Variants in HEPH observed in about 807,000 individuals in gnomAD.
HEPH encodes hephaestin.
HEPH carries 69 observed loss-of-function variants against 80.8 expected under a neutral mutation model. The observed-to-expected ratio is 0.85, with a 90% CI of 0.70 to 1.04. The LOEUF is 1.04. HEPH is among the 50% of genes least tolerant of loss of function. The pLI is 0.00. For missense variants in HEPH, 1,115 were observed against 891.3 expected, an observed-to-expected ratio of 1.25 and a Z score of -3.20; for synonymous variants, 431 against 322.8, an observed-to-expected ratio of 1.34 and a Z score of -3.60.
rs766608149 is a variant in HEPH, at chrX:66,214,361, C to CT, written c.2563+6121dup. Among the ~76,000 whole-genome samples the CT allele has an allele frequency of 4.8e-4, 54 of 111,834 alleles. 1 individual carries two copies. Among genetic ancestry groups the CT allele is most frequent in the Middle Eastern group, 4.6e-3 (1 of 216 alleles). On this transcript the variant is annotated intron_variant, in intron 15 of 20. Coordinates refer to ENST00000343002, the MANE Select transcript of HEPH (RefSeq NM_001367233.3). ...TTGTGAATTGGGGTTTCTAGATATTCTTTTTTATTTTCGGTAGTTGCTATA... is the reference window on the plus strand; with the variant it reads ...TTGTGAATTGGGGTTTCTAGATATTCTTTTTTTATTTTCGGTAGTTGCTATA...
chrX:66,209,486 A>C (rs1178817449), intron 15 of HEPH, among the ~76,000 whole-genome samples: 1 of 112,119 alleles, frequency 8.9e-6, no homozygotes, highest in Admixed American at 9.5e-5. Context: ...AAGGATGAAA[A>C]AAGGGACATA....
chrX:66,207,244 T>C lies in HEPH; in HGVS notation c.2341T>C (p.Tyr781His). ...SNKDGLLGSR[Y>H]KKAVFREYTD... is the part of the protein sequence containing the mutation. ...CAAGGATGGGCTCCTGGGTTCCAGA[T>C]ACAAGAAAGCTGTATTCAGGGAATA... The change falls in exon 14 of 21, where the codon TAC becomes CAC. Residue 781 changes from tyrosine (Y) to histidine (H), a missense_variant. Physicochemically the swap from Tyr to His is moderately conservative, Grantham distance 83. This residue lies in a region of HEPH where 716 missense variants were observed against 523.5 expected (regional missense o/e 1.37). Coordinates refer to ENST00000343002, the MANE Select transcript of HEPH (RefSeq NM_001367233.3). The C allele has an allele frequency of 8.3e-7, 1 of 1,206,061 alleles. No homozygotes were observed. Among genetic ancestry groups the C allele is most frequent in the Non-Finnish European group, 1.1e-6 (1 of 891,968 alleles).
chrX:66,240,521 TAA>T (rs34309902), intron 15 of HEPH, among the ~76,000 whole-genome samples: 16 of 97,512 alleles, frequency 1.6e-4, no homozygotes, highest in African/African-American at 3.4e-4. Context: ...GGCTAATTAT[TAA>T]AAAAAAAAAA....
At position 66,208,146 on chromosome X, in the gene HEPH, C is replaced by A. The variant is rs1309878655; in HGVS notation, c.2463C>A (p.Ile821=). 12 of 1,199,334 alleles carry A rather than the reference C, an allele frequency of 1.0e-5. No individual in the cohort carries two copies. The highest frequency in any genetic ancestry group is 1.4e-5 in the Non-Finnish European group (12 of 886,189). ...TTATCAAAGGTGAAGTTGGTGATAT[C>A]CTGACTGTGGTATTCAAGAATAATG... The part of the protein sequence containing the change: ...GPLIKGEVGD[I]LTVVFKNNAS... Residue 821 remains isoleucine, a synonymous_variant, in exon 15 of 21, where the codon ATC becomes ATA. Coordinates refer to ENST00000343002, the MANE Select transcript of HEPH (RefSeq NM_001367233.3).
chrX:66,221,413 T>C (rs1416512633), intron 15 of HEPH, among the ~76,000 whole-genome samples: 1 of 112,989 alleles, frequency 8.9e-6, no homozygotes, highest in African/African-American at 3.2e-5. Flanking sequence ...CTAGCATTTG[T>C]TAACCAATAA....
At chrX:66,172,265 G>C in intron 2 of HEPH, 90 bp from the exon 3 acceptor site, 1 of 879,010 alleles carries the variant, frequency 1.1e-6, no homozygotes, top group Non-Finnish European at 1.6e-6. Flanking sequence ...AACAAAGATA[G>C]TCACTTTTTG....
chrX:66,220,925 G>T (rs973416432), intron 15 of HEPH, among the ~76,000 whole-genome samples: 1 of 110,661 alleles, frequency 9.0e-6, no homozygotes, highest in Non-Finnish European at 1.9e-5. Flanking sequence ...TAGATTCCCG[G>T]TACACTTATA....
intron 15 of HEPH, among the ~76,000 whole-genome samples, chrX:66,252,957 A>T (rs770761486): frequency 1.8e-5 from 2 of 112,425 alleles, no homozygotes; most frequent in Non-Finnish European, 3.8e-5. Flanking sequence ...ATCAACTCAA[A>T]ATGGGTCAAA....
intron 1 of HEPH, among the ~76,000 whole-genome samples, chrX:66,165,522 G>C (rs2086316572): frequency 9.0e-6 from 1 of 111,364 alleles, no homozygotes; most frequent in South Asian, 3.8e-4. Flanking sequence ...CTGAGAAAGG[G>C]AGATGGAGGG....
chrX:66,237,552 G>A (rs1392070524), intron 15 of HEPH, among the ~76,000 whole-genome samples: 2 of 111,644 alleles, frequency 1.8e-5, no homozygotes, highest in Non-Finnish European at 3.8e-5. Flanking sequence ...TCGATTATGT[G>A]GTTGATTTTG....
At position 66,208,155 on chromosome X, in the gene HEPH, G is replaced by A. The variant is rs777694743; in HGVS notation, c.2472G>A (p.Val824=). The A allele has an allele frequency of 2.1e-4, 247 of 1,198,148 alleles. No individual in the cohort carries two copies. Among genetic ancestry groups the A allele is most frequent in the Non-Finnish European group, 2.7e-4 (243 of 885,902 alleles). ...GTGAAGTTGGTGATATCCTGACTGT[G>A]GTATTCAAGAATAATGCCAGCCGCC... The part of the protein sequence containing the change: ...IKGEVGDILT[V]VFKNNASRPY... The change falls in exon 15 of 21, where the codon GTG becomes GTA. Residue 824 remains valine (V), a synonymous_variant. Transcript: ENST00000343002.
At chrX:66,202,912 CAT>C (rs759619010) in intron 12 of HEPH, among the ~76,000 whole-genome samples, 1,536 of 81,635 alleles carry the variant, frequency 0.019, 23 homozygotes, top group South Asian at 0.028. Context: ...TTTATGTGTG[CAT>C]ATATATATAT....
chrX:66,256,279 G>A lies in HEPH; in HGVS notation c.2845G>A (p.Gly949Ser). 8.3e-7 allele frequency: 1 copy of A among 1,211,083 alleles called. No homozygotes were observed. Among genetic ancestry groups the A allele is most frequent in the Non-Finnish European group, 1.1e-6 (1 of 894,933 alleles). ...GGCAACCCATGGGTCCCAGGATCCA[G>A]GCAGTATTAACCTACAGGATGAAAC... ...NVATHGSQDP[G>S]SINLQDETFL... is the part of the protein sequence containing the mutation. Residue 949 changes from glycine (G) to serine (S), a missense_variant, in exon 17 of 21, where the codon GGC (glycine) becomes AGC (serine). Physicochemically the swap from Gly to Ser is moderately conservative, Grantham distance 56. Coordinates refer to ENST00000343002, the MANE Select transcript of HEPH (RefSeq NM_001367233.3).
intron 4 of HEPH, among the ~76,000 whole-genome samples, chrX:66,176,179 A>T (rs2086795213): frequency 1.8e-5 from 2 of 111,677 alleles, no homozygotes; most frequent in Admixed American, 1.9e-4. Context: ...ATTACATTGG[A>T]GTATGTCCCT....
intron 9 of HEPH, 62 bp downstream of exon 9, chrX:66,195,291 C>T: frequency 1.1e-6 from 1 of 936,709 alleles, no homozygotes; most frequent in Non-Finnish European, 1.4e-6. Flanking sequence ...CTCTAGAAAA[C>T]AAATAAATGG....
intron 15 of HEPH, among the ~76,000 whole-genome samples, chrX:66,227,282 C>T (rs1211618033): frequency 9.0e-6 from 1 of 111,469 alleles, no homozygotes; most frequent in Non-Finnish European, 1.9e-5. Flanking sequence ...TATGACAGGC[C>T]ATACCTTAAG....
At chrX:66,220,765 A>T in intron 15 of HEPH, among the ~76,000 whole-genome samples, 1 of 111,026 alleles carries the variant, frequency 9.0e-6, no homozygotes, top group East Asian at 2.8e-4. Flanking sequence ...TACTCATATC[A>T]TTTATGAGCC....
chrX:66,188,960 T>C (rs2087644529), intron 5 of HEPH, among the ~76,000 whole-genome samples: 1 of 112,668 alleles, frequency 8.9e-6, no homozygotes, highest in African/African-American at 3.2e-5. Flanking sequence ...AATGGTTTCT[T>C]TCAAGCTACC....
Position 66,207,210 on chromosome X carries a change from C to T in HEPH, c.2307C>T (p.Phe769=). 1 of 1,201,443 alleles carries T rather than the reference C, an allele frequency of 8.3e-7. No homozygotes were observed. The change falls in exon 14 of 21, where the codon TTC becomes TTT. Residue 769 remains phenylalanine, a synonymous_variant. Coordinates refer to ENST00000343002, the MANE Select transcript of HEPH (RefSeq NM_001367233.3). ...QSEKDSYGYI[F]LSNKDGLLGS... ...ATTCCTCTAGTTATGGTTACATTTTCCTGAGCAACAAGGATGGGCTCCTGG... is the reference window on the plus strand; with the variant it reads ...ATTCCTCTAGTTATGGTTACATTTTTCTGAGCAACAAGGATGGGCTCCTGG...
Sources: allele counts gnomAD v4.1 joint callset (sites outside exome capture counted in the v4.1 genomes callset), GRCh38; gene constraint gnomAD v4.1.1; regional missense constraint gnomAD v4.1.1; transcripts MANE v1.5; gene names NCBI Gene and HGNC (gene_info 2026-07-23, HGNC 2026-07-21).